CELF2: variants seen among roughly 807,000 people sequenced by gnomAD.
CELF2 encodes the protein CUG triplet repeat RNA-binding protein 2.
CELF2 carries 8 observed loss-of-function variants against 62.6 expected under a neutral mutation model. That is an observed-to-expected ratio of 0.13 (90% CI 0.07 to 0.23). The LOEUF (loss-of-function observed/expected upper bound fraction) is 0.23, where lower values mean the gene tolerates loss of function less well. Among genes scored for constraint, CELF2 ranks in the 10% least tolerant of loss-of-function variants. CELF2 has a pLI of 1.00. For missense variants in CELF2, 333 were observed against 671.0 expected (o/e 0.50, Z 5.56); for synonymous variants, 258 against 250.0 (o/e 1.03, Z -0.30).
chr10:10,725,806 C>G, the CELF2 span, among the ~76,000 whole-genome samples: 2 of 151,616 alleles, frequency 1.3e-5, no homozygotes, highest in East Asian at 3.9e-4. Flanking sequence ...TGCTCCAGTT[C>G]GCTTCCTTCC....
the CELF2 span, among the ~76,000 whole-genome samples, chr10:10,733,613 G>C: frequency 3.9e-5 from 2 of 51,662 alleles, no homozygotes; most frequent in Non-Finnish European, 8.4e-5. Flanking sequence ...AGCATGGCTT[G>C]GGGGGGCCTC....
At chr10:11,090,624 A>C (rs1047164621) in intron 1 of CELF2, among the ~76,000 whole-genome samples, 1 of 152,354 alleles carries the variant, frequency 6.6e-6, no homozygotes, top group African/African-American at 2.4e-5. Flanking sequence ...AGGCAGCCTA[A>C]ATATCCAGCA....
the CELF2 span, among the ~76,000 whole-genome samples, chr10:10,524,815 C>T: frequency 1.3e-5 from 2 of 152,060 alleles, no homozygotes; most frequent in African/African-American, 2.4e-5. Context: ...AGAAATATAG[C>T]ACGTGTATTT....
rs546728610 is a variant in CELF2 at position 11,022,096 on chromosome 10, G to T, written c.74+3933G>T. Among the ~76,000 whole-genome samples, 320 of 152,188 alleles carry T rather than the reference G, an allele frequency of 2.1e-3. 4 individuals are homozygous for T. The highest frequency in any genetic ancestry group is 7.1e-3 in the African/African-American group (294 of 41,520). On this transcript the variant is annotated intron_variant, in intron 1 of 12. Coordinates refer to ENST00000633077, the MANE Select transcript of CELF2 (RefSeq NM_001326342.2). ...TAGAAAATGCAGTTATAAATAATAC[G>T]GAGATAACTGGCATTTATCACCTGA...
At chr10:11,152,509 A>T (rs1596256008) in intron 1 of CELF2, among the ~76,000 whole-genome samples, 3 of 152,320 alleles carry the variant, frequency 2.0e-5, no homozygotes, top group Non-Finnish European at 4.4e-5. Flanking sequence ...CTTTCTAGAG[A>T]GACTGTGACT....
At chr10:11,245,754 G>A (rs972823929) in intron 3 of CELF2, among the ~76,000 whole-genome samples, 3 of 152,204 alleles carry the variant, frequency 2.0e-5, no homozygotes, top group African/African-American at 7.2e-5. Context: ...TGGGGGGAAG[G>A]GAAGATTACT....
At chr10:10,759,511 T>C in the CELF2 span, among the ~76,000 whole-genome samples, 1 of 151,986 alleles carries the variant, frequency 6.6e-6, no homozygotes, top group Non-Finnish European at 1.5e-5. Flanking sequence ...GGTTTCACCA[T>C]GTTGGCCAGG....
At chr10:10,742,603 A>G in the CELF2 span, among the ~76,000 whole-genome samples, 2 of 152,176 alleles carry the variant, frequency 1.3e-5, no homozygotes, top group African/African-American at 2.4e-5. Flanking sequence ...AAAAAAAAAA[A>G]AAAAGAACAT....
Position 11,178,744 on chromosome 10 carries a change from A to G in CELF2, c.271+13062A>G, listed in dbSNP as rs1243132751. On this transcript the variant is annotated intron_variant, in intron 2 of 12. Coordinates refer to ENST00000633077, the MANE Select transcript of CELF2 (RefSeq NM_001326342.2). This position sits in a 1 kb window ranked among gnomAD's most constrained non-coding sequence, Gnocchi z 4.3. The stretch of plus-strand genomic sequence containing the variant: ...CCTGCCACATGTCTTCCAGACGGCT[A>G]GAATGCTCAGGAGATAAGAGTGGGG... Among the ~76,000 whole-genome samples the G allele has an allele frequency of 3.9e-5, 6 of 152,236 alleles. No homozygotes were observed. The highest frequency in any genetic ancestry group is 2.6e-4 in the Admixed American group (4 of 15,294).
chr10:10,721,372 C>A, the CELF2 span, among the ~76,000 whole-genome samples: 6 of 152,278 alleles, frequency 3.9e-5, no homozygotes, highest in South Asian at 4.1e-4. Flanking sequence ...AATTTAGAAG[C>A]AATCTATACC....
At chr10:10,518,956 A>G in the CELF2 span, among the ~76,000 whole-genome samples, 1 of 152,180 alleles carries the variant, frequency 6.6e-6, no homozygotes, top group East Asian at 1.9e-4. Context: ...GACCAAAAAG[A>G]ATCAGGAAGG....
Position 11,313,993 on chromosome 10 carries a change from A to C in CELF2, c.977-146A>C. ...TCACCAAATCTGTCAAAATTGCCAC[A>C]AGTACAATCCCACATGTCCTTCACC... On this transcript the variant is annotated intron_variant, in intron 9 of 12. Transcript: ENST00000633077. The C allele has an allele frequency of 3.7e-6, 3 of 812,236 alleles. No individual in the cohort carries two copies. The South Asian group carries it at 5.1e-5, about 14-fold the overall frequency. 50.3% of individuals were successfully genotyped at this position (812,236 alleles called of 1,614,324 possible).
At chr10:11,134,172 T>C (rs927992593) in intron 1 of CELF2, among the ~76,000 whole-genome samples, 1 of 152,216 alleles carries the variant, frequency 6.6e-6, no homozygotes, top group African/African-American at 2.4e-5. Flanking sequence ...AAAGGCCTGT[T>C]GCAGCAAAGC....
chr10:10,577,320 G>A, the CELF2 span, among the ~76,000 whole-genome samples: 1 of 151,658 alleles, frequency 6.6e-6, no homozygotes, highest in Non-Finnish European at 1.5e-5. Flanking sequence ...AAATCTGTAT[G>A]TTCTTATTGT....
chr10:11,070,481 G>C (rs892814988), intron 1 of CELF2, among the ~76,000 whole-genome samples: 1 of 152,198 alleles, frequency 6.6e-6, no homozygotes, highest in African/African-American at 2.4e-5. Context: ...TGGCATTTGA[G>C]GTGATTTTGA....
intron 1 of CELF2, among the ~76,000 whole-genome samples, chr10:10,910,778 C>T (rs1395717344): frequency 6.7e-5 from 10 of 149,740 alleles, no homozygotes; most frequent in East Asian, 1.9e-4. Context: ...TCTGTTTTTT[C>T]GGTTTTTGCT....
the CELF2 span, among the ~76,000 whole-genome samples, chr10:10,510,297 T>G: frequency 2.0e-5 from 3 of 152,218 alleles, no homozygotes; most frequent in African/African-American, 7.2e-5. Context: ...AATACTTGAT[T>G]CAGAATGTGA....
chr10:10,845,223 A>G (rs2058934320), intron 1 of CELF2, among the ~76,000 whole-genome samples: 1 of 152,074 alleles, frequency 6.6e-6, no homozygotes. Context: ...CGAGGGCCTC[A>G]AATGGGAGAT....
At chr10:10,532,313 G>T in the CELF2 span, among the ~76,000 whole-genome samples, 2 of 152,222 alleles carry the variant, frequency 1.3e-5, no homozygotes. Context: ...AAACATATCA[G>T]CAGAGATTCA....
Sources: allele counts gnomAD v4.1 joint callset (sites outside exome capture counted in the v4.1 genomes callset), GRCh38; gene constraint gnomAD v4.1.1; non-coding constraint Gnocchi (gnomAD v3.1); transcripts MANE v1.5; gene names NCBI Gene and HGNC (gene_info 2026-07-23, HGNC 2026-07-21).